Variants in NEK10 observed in about 807,000 individuals in gnomAD.
NEK10 encodes NIMA related kinase 10.
Under a neutral mutation model 159.8 loss-of-function variants are expected in NEK10, and 122 were observed. The ratio of observed to expected loss-of-function variants is 0.76; its 90% CI spans 0.66 to 0.89. The LOEUF (loss-of-function observed/expected upper bound fraction) is 0.89. NEK10 is among the 40% of genes least tolerant of loss of function. The pLI, the probability that NEK10 is intolerant of heterozygous loss-of-function variation, is 0.00. For synonymous variants in NEK10, 466 were observed against 457.1 expected (o/e 1.02, Z -0.25); for missense variants, 1,342 against 1,323.1 (o/e 1.01, Z -0.22).
chr3:27,194,641 G>C (rs1949412374), intron 25 of NEK10: 1 of 152,146 alleles, frequency 6.6e-6, no homozygotes, highest in South Asian at 2.1e-4. Flanking sequence ...ACAAAGAATT[G>C]AAAGGGGTGA....
At chr3:27,148,349 C>A (rs953384424) in intron 30 of NEK10, among the ~76,000 whole-genome samples, 1 of 152,150 alleles carries the variant, frequency 6.6e-6, no homozygotes, top group South Asian at 2.1e-4. Context: ...CTTAAAAAAA[C>A]TACTCCCCAG....
chr3:27,354,217 T>C (rs1316443077), intron 1 of NEK10, among the ~76,000 whole-genome samples: 5 of 152,180 alleles, frequency 3.3e-5, no homozygotes, highest in African/African-American at 7.2e-5. Flanking sequence ...GGAGAGCCTA[T>C]GGAGAAGCTC....
intron 23 of NEK10, among the ~76,000 whole-genome samples, chr3:27,239,627 T>C (rs1289239161): frequency 6.6e-6 from 1 of 152,234 alleles, no homozygotes; most frequent in Non-Finnish European, 1.5e-5. Flanking sequence ...TCACATGACT[T>C]TCCTAAGATA....
At chr3:27,214,134 A>AT (rs1021211581) in intron 23 of NEK10, among the ~76,000 whole-genome samples, 147 of 152,358 alleles carry the variant, frequency 9.6e-4, no homozygotes, top group African/African-American at 3.2e-3. Flanking sequence ...CAGAAAATCT[A>AT]TGAATCCCAC....
intron 32 of NEK10, among the ~76,000 whole-genome samples, chr3:27,129,760 C>T (rs1942393327): frequency 6.6e-6 from 1 of 152,046 alleles, no homozygotes; most frequent in Admixed American, 6.6e-5. Flanking sequence ...AAGACACACC[C>T]ACCAACTTTG....
At chr3:27,206,623 T>A in intron 23 of NEK10, 1 of 985,362 alleles carries the variant, frequency 1.0e-6, no homozygotes, top group Non-Finnish European at 1.2e-6. Flanking sequence ...TGAAACCATA[T>A]GCTGGTAACT....
intron 14 of NEK10, among the ~76,000 whole-genome samples, chr3:27,296,455 C>T (rs1392827670): frequency 6.6e-6 from 1 of 152,180 alleles, no homozygotes; most frequent in Non-Finnish European, 1.5e-5. Flanking sequence ...CAACTACCCC[C>T]TGATCTGCTG....
intron 1 of NEK10, among the ~76,000 whole-genome samples, chr3:27,368,121 C>T (rs2149929584): frequency 6.6e-6 from 1 of 152,098 alleles, no homozygotes; most frequent in South Asian, 2.1e-4. Context: ...GGTGAAACCC[C>T]TTCTCTACTA....
rs371069207 is a variant in NEK10, at chr3:27,202,418, C to T, written c.2220+10G>A. 1.6e-5 allele frequency: 25 copies of T among 1,602,650 alleles called. No individual in the cohort carries two copies. In the Admixed American group the frequency reaches 1.9e-4, roughly 12 times the overall value. ...TACACGAGACCCTTCTGTCTCCCAG[C>T]GTTGCTTACTTTTGTAGCCAAGGAC... On this transcript the variant is annotated intron_variant, in intron 24 of 35. Coordinates refer to ENST00000691995, the MANE Select transcript of NEK10 (RefSeq NM_001394966.1).
chr3:27,131,048 T>G (rs762196296), intron 32 of NEK10, among the ~76,000 whole-genome samples: 21 of 152,210 alleles, frequency 1.4e-4, no homozygotes, highest in African/African-American at 5.1e-4. Context: ...TCATATTTTC[T>G]AAATAATGAG....
chr3:27,314,225 A>G lies in NEK10; in HGVS notation c.489+72T>C, dbSNP rs1575705238. ...ATAGGAAAGCCACCTTCTGTCACAT[A>G]CCCTTTTAATTCTTGCTCATAGCAG... On this transcript the variant is annotated intron_variant, in intron 7 of 35. Transcript: ENST00000691995. 2.8e-6 allele frequency: 3 copies of G among 1,064,720 alleles called. No individual in the cohort carries two copies. In the East Asian group the frequency reaches 7.5e-5, roughly 27 times the overall value. The allele number at this position is 1,064,720 out of a possible 1,614,324, so 66.0% of individuals were successfully genotyped here. A position where few individuals can be genotyped will look rare whatever the true frequency, so the allele number is the denominator to read the frequency against.
intron 5 of NEK10, among the ~76,000 whole-genome samples, chr3:27,332,691 A>G (rs1165610266): frequency 6.6e-6 from 1 of 152,254 alleles, no homozygotes. Flanking sequence ...AAGCAGATAT[A>G]CACAAGAGAT....
chr3:27,349,885 C>A lies in NEK10; in HGVS notation c.132+2580G>T, dbSNP rs1158356681. 2.0e-5 allele frequency among the ~76,000 whole-genome samples: 3 copies of A among 152,134 alleles called. No individual in the cohort carries two copies. In the East Asian group the frequency reaches 5.8e-4, roughly 29 times the overall value. The stretch of plus-strand genomic sequence containing the variant: ...TTTCTGCCTCTGTGTGTCTCTGTCT[C>A]CAGTTCTGTCACATTATGAGACTGT... On this transcript the variant is annotated intron_variant, in intron 3 of 35. Coordinates refer to ENST00000691995, the MANE Select transcript of NEK10 (RefSeq NM_001394966.1).
chr3:27,240,096 C>A (rs1197827349), intron 23 of NEK10, among the ~76,000 whole-genome samples: 1 of 152,100 alleles, frequency 6.6e-6, no homozygotes, highest in Admixed American at 6.6e-5. Context: ...ATTAAGAGGA[C>A]CTTAATGGGA....
intron 1 of NEK10, among the ~76,000 whole-genome samples, chr3:27,368,680 T>TA (rs771337710): frequency 2.0e-5 from 3 of 152,144 alleles, no homozygotes; most frequent in African/African-American, 4.8e-5. Context: ...TGTGTGGCGT[T>TA]AACTTGGCAG....
At chr3:27,227,262 G>T (rs553228842) in intron 23 of NEK10, among the ~76,000 whole-genome samples, 1 of 152,126 alleles carries the variant, frequency 6.6e-6, no homozygotes, top group Non-Finnish European at 1.5e-5. Flanking sequence ...CAGGAGGAGG[G>T]GTGGCCTTCA....
intron 13 of NEK10, among the ~76,000 whole-genome samples, chr3:27,298,045 C>T (rs1031366100): frequency 6.6e-6 from 1 of 152,158 alleles, no homozygotes; most frequent in African/African-American, 2.4e-5. Context: ...AAGGAACTTT[C>T]CCAAGGCCAT....
At chr3:27,340,895 T>C (rs1206209679) in intron 5 of NEK10, among the ~76,000 whole-genome samples, 1 of 152,182 alleles carries the variant, frequency 6.6e-6, no homozygotes, top group South Asian at 2.1e-4. Flanking sequence ...ATACTTGCAC[T>C]CACATGTTTA....
chr3:27,240,955 A>G (rs1392034994), intron 23 of NEK10, among the ~76,000 whole-genome samples: 1 of 152,054 alleles, frequency 6.6e-6, no homozygotes, highest in Non-Finnish European at 1.5e-5. Context: ...TGCCTGGCCT[A>G]TCACATCTAT....
Sources: allele counts gnomAD v4.1 joint callset (sites outside exome capture counted in the v4.1 genomes callset), GRCh38; gene constraint gnomAD v4.1.1; transcripts MANE v1.5; gene names NCBI Gene and HGNC (gene_info 2026-07-23, HGNC 2026-07-21).